Variants in ZNF536 observed in about 807,000 individuals in gnomAD.
The protein encoded by ZNF536 is zinc finger protein 536.
ZNF536 carries 13 observed loss-of-function variants against 84.5 expected under a neutral mutation model. The ratio of observed to expected loss-of-function variants is 0.15; its 90% CI spans 0.10 to 0.24. The LOEUF (loss-of-function observed/expected upper bound fraction) is 0.24. ZNF536 is among the 10% of genes least tolerant of loss of function. The pLI is 1.00. For missense variants in ZNF536, 1,536 were observed against 1,747.5 expected (o/e 0.88, Z 2.16); for synonymous variants, 811 against 742.5 (o/e 1.09, Z -1.50).
In ZNF536 at chr19:30,350,239, G is replaced by A. The variant is rs953087048; in HGVS notation, c.-119-2129G>A. On this transcript the variant is annotated intron_variant, in intron 2 of 5. Transcript: ENST00000585628. ...CAGCAATATATCATTTCAAATTTCG[G>A]CGTTTAAGCCTGCATCACTCAAAAC... Among the ~76,000 whole-genome samples the A allele has an allele frequency of 8.5e-5, 13 of 152,148 alleles. No homozygotes were observed. The East Asian group carries it at 2.3e-3, about 27-fold the overall frequency.
intron 2 of ZNF536, among the ~76,000 whole-genome samples, chr19:30,447,833 A>G (rs2052423716): frequency 6.6e-6 from 1 of 152,196 alleles, no homozygotes; most frequent in Admixed American, 6.5e-5. Flanking sequence ...TGGAGTTAAC[A>G]TTGACAGATT....
intron 1 of ZNF536, among the ~76,000 whole-genome samples, chr19:30,411,874 A>T (rs2050509767): frequency 1.3e-5 from 2 of 152,066 alleles, no homozygotes; most frequent in Admixed American, 6.5e-5. Flanking sequence ...TTTTAAAAAA[A>T]TTTATGTATT....
At chr19:30,361,655 C>A (rs1464598925) in intron 3 of ZNF536, among the ~76,000 whole-genome samples, 1 of 152,080 alleles carries the variant, frequency 6.6e-6, no homozygotes, top group Non-Finnish European at 1.5e-5. Context: ...CAGAGAAATG[C>A]CACTTCTCTC....
At chr19:30,558,247 A>G (rs2046034157), downstream of ZNF536, among the ~76,000 whole-genome samples, 1 of 152,138 alleles carries the variant, frequency 6.6e-6, no homozygotes, top group African/African-American at 2.4e-5. Flanking sequence ...GTAACAATTC[A>G]TAAACATGCA....
chr19:30,402,774 T>A (rs1187433416), intron 1 of ZNF536, among the ~76,000 whole-genome samples: 2 of 119,872 alleles, frequency 1.7e-5, no homozygotes, highest in Admixed American at 9.0e-5. Flanking sequence ...GCTTGCTTTT[T>A]AAACATTTTT....
intron 1 of ZNF536, among the ~76,000 whole-genome samples, chr19:30,596,747 A>AC (rs2047478199): frequency 6.6e-6 from 1 of 151,608 alleles, no homozygotes; most frequent in Admixed American, 6.6e-5. Flanking sequence ...ATTTAAGGAA[A>AC]CTTTTTTTGC....
At chr19:30,391,004 C>T (rs1248596486) in intron 1 of ZNF536, among the ~76,000 whole-genome samples, 1 of 152,214 alleles carries the variant, frequency 6.6e-6, no homozygotes, top group African/African-American at 2.4e-5. Context: ...TATTTATTCA[C>T]TAGGGACCAA....
chr19:30,597,455 G>C (rs2047506942), intron 1 of ZNF536, among the ~76,000 whole-genome samples: 1 of 152,222 alleles, frequency 6.6e-6, no homozygotes, highest in South Asian at 2.1e-4. Flanking sequence ...GGGCTGATGG[G>C]AGTGCAGGAC....
At chr19:30,510,594 G>T (rs951860321) in intron 2 of ZNF536, among the ~76,000 whole-genome samples, 1 of 152,200 alleles carries the variant, frequency 6.6e-6, no homozygotes, top group Admixed American at 6.5e-5. Flanking sequence ...GGGGATCGCT[G>T]CTTCCCTCCT....
At chr19:30,689,157 G>A (rs1041625281) in intron 1 of ZNF536, among the ~76,000 whole-genome samples, 3 of 152,244 alleles carry the variant, frequency 2.0e-5, no homozygotes, top group Admixed American at 6.5e-5. Context: ...AGGCTACGCA[G>A]CTGTTAAGAG....
chr19:30,386,341 T>C (rs371745027), intron 1 of ZNF536, among the ~76,000 whole-genome samples: 29 of 152,316 alleles, frequency 1.9e-4, no homozygotes, highest in East Asian at 1.4e-3. Flanking sequence ...TTATTGTCTC[T>C]CTACAGTCTC....
chr19:30,449,791 G>T (rs1248005068), intron 2 of ZNF536, among the ~76,000 whole-genome samples: 1 of 152,202 alleles, frequency 6.6e-6, no homozygotes, highest in Admixed American at 6.5e-5. Flanking sequence ...GCCTTGCGAG[G>T]TCTTCTTTTG....
intron 2 of ZNF536, among the ~76,000 whole-genome samples, chr19:30,338,948 G>A (rs909755515): frequency 6.6e-6 from 1 of 152,170 alleles, no homozygotes; most frequent in African/African-American, 2.4e-5. Context: ...TGGCATGTGT[G>A]AGAGTGCAGC....
chr19:30,529,056 T>A (rs1374963539), intron 2 of ZNF536, among the ~76,000 whole-genome samples: 1 of 152,018 alleles, frequency 6.6e-6, no homozygotes, highest in Non-Finnish European at 1.5e-5. Context: ...TGAAGGGACT[T>A]GCTTGGGATA....
chr19:30,659,786 G>A (rs1686137095), intron 1 of ZNF536, among the ~76,000 whole-genome samples: 1 of 148,420 alleles, frequency 6.7e-6, no homozygotes, highest in African/African-American at 2.6e-5. Flanking sequence ...AAATTTGGGT[G>A]GGGACACAGC....
chr19:30,279,445 C>G (rs1432228439), intron 1 of ZNF536, among the ~76,000 whole-genome samples: 1 of 152,124 alleles, frequency 6.6e-6, no homozygotes, highest in African/African-American at 2.4e-5. Flanking sequence ...AAATCTGTAG[C>G]AACAATGGGT....
chr19:30,599,888 C>T (rs1371293547), intron 1 of ZNF536, among the ~76,000 whole-genome samples: 4 of 152,078 alleles, frequency 2.6e-5, no homozygotes, highest in Non-Finnish European at 2.9e-5. Flanking sequence ...TGTAGAGTCC[C>T]CTCCAAAATT....
At chr19:30,415,969 G>A (rs2050714627) in intron 1 of ZNF536, among the ~76,000 whole-genome samples, 2 of 152,032 alleles carry the variant, frequency 1.3e-5, no homozygotes, top group South Asian at 2.1e-4. Context: ...CTACTTGATG[G>A]GTATTAGACA....
intron 1 of ZNF536, among the ~76,000 whole-genome samples, chr19:30,440,378 G>A (rs1054564941): frequency 2.0e-5 from 3 of 152,112 alleles, no homozygotes; most frequent in Non-Finnish European, 4.4e-5. Context: ...GAAGGCTGAG[G>A]TTAGGTCACA....
Sources: allele counts gnomAD v4.1 joint callset (sites outside exome capture counted in the v4.1 genomes callset), GRCh38; gene constraint gnomAD v4.1.1; transcripts MANE v1.5; gene names NCBI Gene and HGNC (gene_info 2026-07-23, HGNC 2026-07-21).